The following NRXN1 variants were observed in gnomAD, a reference collection of about 807,000 sequenced individuals.
The protein encoded by NRXN1 is neurexin-1.
A neutral mutation model predicts 150.9 loss-of-function variants in NRXN1; 39 were observed. The observed-to-expected ratio is 0.26, with a 90% CI of 0.20 to 0.34. The LOEUF (loss-of-function observed/expected upper bound fraction) is 0.34, where lower values mean the gene tolerates loss of function less well. Among genes scored for constraint, NRXN1 ranks in the 10% least tolerant of loss-of-function variants. The pLI, the probability that NRXN1 is intolerant of heterozygous loss-of-function variation, is 1.00. For synonymous variants in NRXN1, 924 were observed against 757.0 expected, an observed-to-expected ratio of 1.22 and a Z score of -3.62; for missense variants, 1,815 against 1,949.9, an observed-to-expected ratio of 0.93 and a Z score of 1.30.
chr2:50,538,707 T>C (rs1430933394), intron 9 of NRXN1, 71 bp from the exon 10 acceptor site: 14 of 1,293,108 alleles, frequency 1.1e-5, no homozygotes, highest in Non-Finnish European at 1.3e-5. Flanking sequence ...TTTCTCTCTT[T>C]CGTCTGCTTG....
chr2:50,331,477 A>G (rs1013825535), intron 17 of NRXN1, among the ~76,000 whole-genome samples: 1 of 152,188 alleles, frequency 6.6e-6, no homozygotes, highest in Non-Finnish European at 1.5e-5. Context: ...ACAAAGAAGT[A>G]GCTGTATCTA....
At chr2:50,401,192 A>G (rs996124760) in intron 17 of NRXN1, among the ~76,000 whole-genome samples, 4 of 152,174 alleles carry the variant, frequency 2.6e-5, no homozygotes, top group African/African-American at 4.8e-5. Flanking sequence ...TTCACACTCA[A>G]TGTGGGAAGA....
At chr2:50,577,928 G>T (rs1671685739) in intron 8 of NRXN1, among the ~76,000 whole-genome samples, 1 of 152,090 alleles carries the variant, frequency 6.6e-6, no homozygotes, top group East Asian at 1.9e-4. Context: ...GAGCACTTGT[G>T]CATAGATAGA....
chr2:50,093,956 G>A (rs1442513735), intron 18 of NRXN1, among the ~76,000 whole-genome samples: 2 of 152,182 alleles, frequency 1.3e-5, no homozygotes, highest in Non-Finnish European at 2.9e-5. Flanking sequence ...TATAGCTGTA[G>A]CTAGCAGATT....
chr2:50,958,001 G>C (rs1692540717), intron 2 of NRXN1, among the ~76,000 whole-genome samples: 1 of 151,994 alleles, frequency 6.6e-6, no homozygotes, highest in Admixed American at 6.6e-5. Context: ...TATTGTCTAA[G>C]GAAGTAAGTT....
At chr2:50,360,402 T>C (rs2079107035) in intron 17 of NRXN1, among the ~76,000 whole-genome samples, 1 of 151,962 alleles carries the variant, frequency 6.6e-6, no homozygotes, top group African/African-American at 2.4e-5. Flanking sequence ...CAAAATAAAA[T>C]GATGGAGGAA....
At chr2:50,298,448 C>T (rs2152952406) in intron 17 of NRXN1, among the ~76,000 whole-genome samples, 1 of 152,206 alleles carries the variant, frequency 6.6e-6, no homozygotes, top group Admixed American at 6.5e-5. Flanking sequence ...CATGAAAGAC[C>T]TCCTAAAAAT....
chr2:50,182,981 A>G (rs2060832244), intron 18 of NRXN1, among the ~76,000 whole-genome samples: 1 of 152,112 alleles, frequency 6.6e-6, no homozygotes, highest in South Asian at 2.1e-4. Flanking sequence ...AAACTAAAAT[A>G]TCATTCTAAC....
intron 18 of NRXN1, among the ~76,000 whole-genome samples, chr2:50,111,340 T>C (rs1308389450): frequency 6.6e-6 from 1 of 152,178 alleles, no homozygotes; most frequent in Non-Finnish European, 1.5e-5. Context: ...ATTAAAATCC[T>C]TTTGAATTGA....
Position 50,472,301 on chromosome 2 carries a change from C to G in NRXN1, c.3241G>C (p.Glu1081Gln), listed in dbSNP as rs2089556616. 1 of 1,581,320 alleles carries G rather than the reference C, an allele frequency of 6.3e-7. No individual in the cohort carries two copies. Among genetic ancestry groups the G allele is most frequent in the Non-Finnish European group, 8.6e-7 (1 of 1,162,660 alleles). ...FCNGQIERGC[E>Q]GPSTTCQEDS... ...CATGATGACAAAAATCTAATACCTT[C>G]ACATCCTCTCTCGATCTGTCCGTTG... The change falls in exon 16 of 23, where the codon GAA becomes CAA. Residue 1081 changes from glutamate to glutamine, a missense_variant. Physicochemically the swap from Glu to Gln is conservative, Grantham distance 29. Around this residue, in one of 6 missense-constraint regions of NRXN1, gnomAD observed 339 missense variants for 440.3 expected, o/e 0.77. Coordinates refer to ENST00000401669, the MANE Select transcript of NRXN1 (RefSeq NM_001330078.2).
intron 8 of NRXN1, among the ~76,000 whole-genome samples, chr2:50,598,555 T>C (rs1675637782): frequency 7.5e-6 from 1 of 133,704 alleles, no homozygotes; most frequent in African/African-American, 3.0e-5. Context: ...TATGTGTGTA[T>C]ATATATATGT....
intron 5 of NRXN1, among the ~76,000 whole-genome samples, chr2:50,645,725 A>C (rs1684726466): frequency 6.6e-6 from 1 of 151,960 alleles, no homozygotes; most frequent in Non-Finnish European, 1.5e-5. Flanking sequence ...ATATTAATGA[A>C]ATTTTATATT....
chr2:50,124,102 G>A (rs1197597185), intron 18 of NRXN1, among the ~76,000 whole-genome samples: 1 of 151,988 alleles, frequency 6.6e-6, no homozygotes, highest in Non-Finnish European at 1.5e-5. Flanking sequence ...CAAGGAGAAA[G>A]AACAGGAAAA....
At chr2:49,958,504 C>T (rs909607127) in intron 21 of NRXN1, among the ~76,000 whole-genome samples, 8 of 152,074 alleles carry the variant, frequency 5.3e-5, no homozygotes, top group African/African-American at 1.7e-4. Context: ...TTTTCCTTCC[C>T]GCACACCTCT....
At chr2:50,758,525 C>A (rs1701420541) in intron 5 of NRXN1, among the ~76,000 whole-genome samples, 2 of 151,844 alleles carry the variant, frequency 1.3e-5, no homozygotes, top group South Asian at 4.1e-4. Flanking sequence ...GCAGGCTGGA[C>A]TTAAACTCCT....
chr2:50,591,531 T>C (rs1674247796), intron 8 of NRXN1, among the ~76,000 whole-genome samples: 1 of 152,158 alleles, frequency 6.6e-6, no homozygotes, highest in Non-Finnish European at 1.5e-5. Flanking sequence ...TAAAAAAATG[T>C]GGGTCCCAGG....
intron 18 of NRXN1, among the ~76,000 whole-genome samples, chr2:50,158,242 T>C (rs897970996): frequency 6.5e-4 from 99 of 151,792 alleles, no homozygotes; most frequent in African/African-American, 2.2e-3. Flanking sequence ...TATAAGTCTG[T>C]GGAGCGTTCA....
At chr2:50,192,175 G>A in intron 18 of NRXN1, among the ~76,000 whole-genome samples, 1 of 152,190 alleles carries the variant, frequency 6.6e-6, no homozygotes, top group Middle Eastern at 3.4e-3. Flanking sequence ...TTCAATTTCA[G>A]TATTTAATTT....
rs1418180248 is a variant in NRXN1 at position 50,621,232 on chromosome 2, G to A, written c.1152C>T (p.His384=). The A allele has an allele frequency of 5.1e-6, 8 of 1,571,874 alleles. No homozygotes were observed. Among genetic ancestry groups the A allele is most frequent in the African/African-American group, 2.7e-5 (2 of 74,092 alleles). Residue 384 remains histidine (H), a synonymous_variant, in exon 7 of 23, where the codon CAC becomes CAT. Transcript: ENST00000401669. Reference sequence around the variant, plus strand: ...AACAATGTAGTTTGTTTACCATAGCGTGTCCAATGCCTGAGTGCTTTGTGG... The same window carrying A: ...AACAATGTAGTTTGTTTACCATAGCATGTCCAATGCCTGAGTGCTTTGTGG... ...RNLRQHSGIG[H]AMVTISVDGI...
Sources: gnomAD v4.1 joint callset for allele counts (sites outside exome capture counted in the v4.1 genomes callset) on GRCh38, gnomAD v4.1.1 for gene constraint, gnomAD v4.1.1 regional missense constraint, MANE v1.5 for transcripts, NCBI Gene and HGNC (gene_info 2026-07-23, HGNC 2026-07-21) for gene names.